Variants in ADGB observed in about 807,000 individuals in gnomAD.
ADGB encodes androglobin.
In ADGB, 172 loss-of-function variants were observed where a neutral mutation model predicts 210.5. That is an observed-to-expected ratio of 0.82 (90% CI 0.72 to 0.93). The LOEUF (loss-of-function observed/expected upper bound fraction) is 0.93. Among genes scored for constraint, ADGB ranks in the 40% least tolerant of loss-of-function variants. The pLI, the probability that ADGB is intolerant of heterozygous loss-of-function variation, is 0.00. For missense variants in ADGB, 2,025 were observed against 1,964.8 expected, an observed-to-expected ratio of 1.03 and a Z score of -0.58; for synonymous variants, 658 against 662.7, an observed-to-expected ratio of 0.99 and a Z score of 0.11.
At chr6:146,614,245 CTTCA>C (rs1780757733) in intron 1 of ADGB, among the ~76,000 whole-genome samples, 2 of 118,358 alleles carry the variant, frequency 1.7e-5, no homozygotes, top group African/African-American at 6.2e-5. Flanking sequence ...TCCTTCCTTC[CTTCA>C]ACAGTTTTTT....
chr6:146,658,434 G>A (rs897803749), intron 5 of ADGB, among the ~76,000 whole-genome samples: 1 of 152,058 alleles, frequency 6.6e-6, no homozygotes, highest in African/African-American at 2.4e-5. Flanking sequence ...AAGAAGGTAC[G>A]CAGAGGAAAA....
At chr6:146,723,199 C>T (rs906762462) in intron 17 of ADGB, among the ~76,000 whole-genome samples, 3 of 152,084 alleles carry the variant, frequency 2.0e-5, no homozygotes, top group Non-Finnish European at 2.9e-5. Flanking sequence ...CCTGAAGCCA[C>T]ACCATGTCCC....
chr6:146,736,804 A>T (rs1255341414), intron 23 of ADGB, among the ~76,000 whole-genome samples: 1 of 152,224 alleles, frequency 6.6e-6, no homozygotes, highest in Non-Finnish European at 1.5e-5. Flanking sequence ...AATTCTAAGC[A>T]GAAAACCTCT....
chr6:146,608,733 T>A (rs986268087), intron 1 of ADGB, among the ~76,000 whole-genome samples: 1 of 151,924 alleles, frequency 6.6e-6, no homozygotes, highest in Non-Finnish European at 1.5e-5. Context: ...GGTCCAAGAG[T>A]GATTGGTATG....
chr6:146,736,528 C>A lies in ADGB; in HGVS notation c.2825C>A (p.Thr942Asn). Reference sequence around the variant, plus strand: ...AAAGAAAATATCAGTGTTGCAGATACTCTTCAAAAAGTTTGGGCTGTATTG... The same window carrying A: ...AAAGAAAATATCAGTGTTGCAGATAATCTTCAAAAAGTTTGGGCTGTATTG... ...DTKENISVAD[T>N]LQKVWAVLEM... is the part of the protein sequence containing the mutation. Residue 942 changes from threonine (T) to asparagine (N), a missense_variant, in exon 23 of 36, where the codon ACT becomes AAT. Physicochemically the swap from Thr to Asn is moderately conservative, Grantham distance 65 (BLOSUM62 0). Transcript: ENST00000397944. The A allele has an allele frequency of 6.5e-7, 1 of 1,547,904 alleles. No homozygotes were observed. The highest frequency in any genetic ancestry group is 8.7e-7 in the Non-Finnish European group (1 of 1,144,992).
In ADGB at chr6:146,715,657, G is replaced by A. The variant is rs377066069; in HGVS notation, c.1741+242G>A. ...ACAAATAAAGTTCATGTGTTTTAAT[G>A]CTGCACCCTGTGATCGAAACACTAA... On this transcript the variant is annotated intron_variant, in intron 14 of 35. Transcript: ENST00000397944. Among the ~76,000 whole-genome samples, 4 of 152,162 alleles carry A rather than the reference G, an allele frequency of 2.6e-5. No individual in the cohort carries two copies. The East Asian group carries it at 7.7e-4, about 29-fold the overall frequency.
At chr6:146,632,153 G>T (rs1401049313) in intron 1 of ADGB, among the ~76,000 whole-genome samples, 2 of 151,980 alleles carry the variant, frequency 1.3e-5, no homozygotes, top group African/African-American at 4.8e-5. Context: ...GTCCAAAATG[G>T]GTCTCACTGA....
chr6:146,809,979 G>C (rs1778280398), intron 35 of ADGB, among the ~76,000 whole-genome samples: 1 of 151,194 alleles, frequency 6.6e-6, no homozygotes, highest in East Asian at 2.0e-4. Context: ...AAAATAAAAA[G>C]CTGCTGCACA....
chr6:146,715,410 GA>G lies in ADGB; in HGVS notation c.1740del (p.Gly581AlafsTer19). 6.7e-7 allele frequency: 1 copy of G among 1,497,234 alleles called. No individual in the cohort carries two copies. Among genetic ancestry groups the G allele is most frequent in the African/African-American group, 1.4e-5 (1 of 69,226 alleles). The allele number at this position is 1,497,234 out of a possible 1,614,324, so 92.7% of individuals were successfully genotyped here. A position where few individuals can be genotyped will look rare whatever the true frequency, so the allele number is the denominator to read the frequency against. Reference protein sequence around the residue: ...QGNTASQVILGKGTDEQTDFG... With the variant: ...QGNTASQVILXKGTDEQTDFG... ...AATACTGCTTCACAAGTTATACTTG[GA>G]AAAGGTAAATTAATAATTTTCCTGT... On this transcript the variant is annotated frameshift_variant, in exon 14 of 36. Coordinates refer to ENST00000397944, the MANE Select transcript of ADGB (RefSeq NM_024694.4). LOFTEE classifies it high-confidence loss of function.
At chr6:146,707,026 C>T (rs1244195454) in intron 13 of ADGB, among the ~76,000 whole-genome samples, 1 of 151,674 alleles carries the variant, frequency 6.6e-6, no homozygotes, top group Admixed American at 6.6e-5. Context: ...TTACTGCATC[C>T]TATAAATTTT....
chr6:146,803,730 C>T, intron 35 of ADGB: 1 of 906,758 alleles, frequency 1.1e-6, no homozygotes, highest in South Asian at 1.5e-5. Flanking sequence ...GTACCGGCGC[C>T]TCATGGTACC....
At chr6:146,740,635 T>G (rs1463211182) in intron 24 of ADGB, 42 bp downstream of exon 24, 1 of 1,528,588 alleles carries the variant, frequency 6.5e-7, no homozygotes, top group Non-Finnish European at 8.8e-7. Flanking sequence ...CTAAATGGCT[T>G]GCAATATCTG....
intron 13 of ADGB, 52 bp from the exon 14 acceptor site, chr6:146,715,330 G>T: frequency 7.3e-7 from 1 of 1,364,016 alleles, no homozygotes; most frequent in Non-Finnish European, 1.0e-6. Flanking sequence ...TTGGTGCTTT[G>T]GATAGCTGTA....
At chr6:146,649,616 A>C (rs1441849423) in intron 3 of ADGB, among the ~76,000 whole-genome samples, 1 of 151,548 alleles carries the variant, frequency 6.6e-6, no homozygotes, top group East Asian at 1.9e-4. Context: ...TTAGCCTCCC[A>C]AGTTGCTGGG....
chr6:146,785,571 T>C (rs1183965267), intron 31 of ADGB, 39 bp from the exon 32 acceptor site: 1 of 1,509,938 alleles, frequency 6.6e-7, no homozygotes, highest in South Asian at 1.2e-5. Flanking sequence ...TTGTTGCTTT[T>C]GAAGAGCTTT....
At chr6:146,720,227 C>A (rs967252997) in intron 16 of ADGB, among the ~76,000 whole-genome samples, 3 of 152,128 alleles carry the variant, frequency 2.0e-5, no homozygotes, top group African/African-American at 7.2e-5. Context: ...GCCTTAGAGT[C>A]AGGCAGATGG....
Position 146,805,121 on chromosome 6 carries a change from G to C in ADGB, c.4818+3110G>C, listed in dbSNP as rs62434396. Among the ~76,000 whole-genome samples the C allele has an allele frequency of 8.0e-3, 1,222 of 152,304 alleles. 18 individuals are homozygous for C. The highest frequency in any genetic ancestry group is 0.062 in the East Asian group (322 of 5,174). ...TCTTATCAAGATCCCCTGGCTGAAG[G>C]AGCTTCCATAGAGACACCTCTACCA... On this transcript the variant is annotated intron_variant, in intron 35 of 35. Coordinates refer to ENST00000397944, the MANE Select transcript of ADGB (RefSeq NM_024694.4).
chr6:146,786,673 T>A (rs757020878), intron 32 of ADGB, among the ~76,000 whole-genome samples: 1 of 152,160 alleles, frequency 6.6e-6, no homozygotes, highest in Non-Finnish European at 1.5e-5. Context: ...AAGTCATCCA[T>A]CTCAAAAGTG....
At chr6:146,624,363 T>G (rs1363268199) in intron 1 of ADGB, among the ~76,000 whole-genome samples, 1 of 151,944 alleles carries the variant, frequency 6.6e-6, no homozygotes, top group Non-Finnish European at 1.5e-5. Flanking sequence ...AATATTTGGA[T>G]AAAGAATGAC....
Sources: allele counts gnomAD v4.1 joint callset (sites outside exome capture counted in the v4.1 genomes callset), GRCh38; gene constraint gnomAD v4.1.1; transcripts MANE v1.5; gene names NCBI Gene and HGNC (gene_info 2026-07-23, HGNC 2026-07-21).